Variants in PCDHGA8 observed in about 807,000 individuals in gnomAD.
PCDHGA8 encodes the protein protocadherin gamma-A8.
PCDHGA8 carries 45 observed loss-of-function variants against 59.2 expected under a neutral mutation model. That is an observed-to-expected ratio of 0.76 (90% CI 0.60 to 0.98). The LOEUF (loss-of-function observed/expected upper bound fraction) is 0.98, where lower values mean the gene tolerates loss of function less well. Among genes scored for constraint, PCDHGA8 ranks in the 50% least tolerant of loss-of-function variants. The pLI, the probability that PCDHGA8 is intolerant of heterozygous loss-of-function variation, is 0.00. For synonymous variants in PCDHGA8, 531 were observed against 519.0 expected (o/e 1.02, Z -0.32); for missense variants, 1,257 against 1,196.2 (o/e 1.05, Z -0.75).
At chr5:141,407,032 CAT>C (rs2094880022) in intron 1 of PCDHGA8, among the ~76,000 whole-genome samples, 1 of 152,174 alleles carries the variant, frequency 6.6e-6, no homozygotes, top group African/African-American at 2.4e-5. Flanking sequence ...CTATGCTAAA[CAT>C]GTGATCCATA....
intron 2 of PCDHGA8, among the ~76,000 whole-genome samples, chr5:141,497,781 C>T (rs2099779421): frequency 1.3e-5 from 2 of 152,192 alleles, no homozygotes; most frequent in African/African-American, 4.8e-5. Flanking sequence ...CTCAACTGAT[C>T]CACCTGCTTC....
At chr5:141,414,458 C>T (rs2095749873) in intron 1 of PCDHGA8, 9 of 1,613,698 alleles carry the variant, frequency 5.6e-6, no homozygotes, top group Non-Finnish European at 6.8e-6. Flanking sequence ...ACAGTGACAG[C>T]CACAGATGGG....
chr5:141,431,648 A>G lies in PCDHGA8; in HGVS notation c.2424+36411A>G. 2 of 1,614,240 alleles carry G rather than the reference A, an allele frequency of 1.2e-6. No individual in the cohort carries two copies. The highest frequency in any genetic ancestry group is 1.7e-6 in the Non-Finnish European group (2 of 1,180,046). On this transcript the variant is annotated intron_variant, in intron 1 of 3. Transcript: ENST00000398604. The surrounding 1 kb of genome is among the most constrained non-coding windows in gnomAD (Gnocchi z 4.8). ...GGCCCAAGTTTTCAAACTAGATTGT[A>G]ATTCAGGGACAATATCAACAATAGG...
At chr5:141,419,656 G>A (rs1374057056) in intron 1 of PCDHGA8, 15 of 1,612,528 alleles carry the variant, frequency 9.3e-6, no homozygotes, top group Non-Finnish European at 8.5e-6. Context: ...CGGACTCGGG[G>A]CACAATGCCT....
At chr5:141,484,931 A>ACGTT (rs1464416110) in intron 1 of PCDHGA8, 2 of 498,000 alleles carry the variant, frequency 4.0e-6, no homozygotes, top group Non-Finnish European at 7.2e-6. Flanking sequence ...TGCTGTTGGG[A>ACGTT]CGTTCTCTGC....
Position 141,415,740 on chromosome 5 carries a change from G to T in PCDHGA8, c.2424+20503G>T, listed in dbSNP as rs866795513. 9.4e-4 allele frequency: 585 copies of T among 624,884 alleles called. 4 individuals carry two copies. The highest frequency in any genetic ancestry group is 8.0e-3 in the African/African-American group (318 of 39,862). 38.7% of individuals were successfully genotyped at this position (624,884 alleles called of 1,614,324 possible). A position where few individuals can be genotyped will look rare whatever the true frequency, so the allele number is the denominator to read the frequency against. The stretch of plus-strand genomic sequence containing the variant: ...TGAGTAGAATTTGATGTTTATTAAG[G>T]TTTTTTTTTTTTTTTTTTTTTTTTT... On this transcript the variant is annotated intron_variant, in intron 1 of 3. Coordinates refer to ENST00000398604, the MANE Select transcript of PCDHGA8 (RefSeq NM_032088.2).
intron 1 of PCDHGA8, among the ~76,000 whole-genome samples, chr5:141,473,107 C>A (rs2099314182): frequency 6.6e-6 from 1 of 152,134 alleles, no homozygotes; most frequent in Admixed American, 6.5e-5. Flanking sequence ...TATTACCACA[C>A]TTTACTTGGC....
At chr5:141,450,702 G>A (rs1466981422) in intron 1 of PCDHGA8, among the ~76,000 whole-genome samples, 1 of 152,026 alleles carries the variant, frequency 6.6e-6, no homozygotes, top group Non-Finnish European at 1.5e-5. Flanking sequence ...GCCCAGGATG[G>A]TCTCCAACTC....
chr5:141,497,512 T>C (rs903352739), intron 2 of PCDHGA8, among the ~76,000 whole-genome samples: 2 of 151,896 alleles, frequency 1.3e-5, no homozygotes, highest in Admixed American at 1.3e-4. Flanking sequence ...TCTGCTTCCT[T>C]AGTTAACTTG....
chr5:141,418,670 G>T (rs767728571), intron 1 of PCDHGA8: 2 of 1,614,042 alleles, frequency 1.2e-6, no homozygotes, highest in Non-Finnish European at 1.7e-6. Context: ...TGACCAGGAC[G>T]AGGGCATCAA....
At position 141,491,462 on chromosome 5, in the gene PCDHGA8, T is replaced by C; in HGVS notation, c.2425-3345T>C. 1.2e-6 allele frequency: 2 copies of C among 1,614,004 alleles called. No individual in the cohort carries two copies. The highest frequency in any genetic ancestry group is 1.7e-6 in the Non-Finnish European group (2 of 1,179,978). ...CGCCAGGACTCACCCTCCCCGGACT[T>C]CTATAAGCAGTCCAGCCCCAACCTG... On this transcript the variant is annotated intron_variant, in intron 1 of 3. Coordinates refer to ENST00000398604, the MANE Select transcript of PCDHGA8 (RefSeq NM_032088.2). This position sits in a 1 kb window ranked among gnomAD's most constrained non-coding sequence, Gnocchi z 6.9.
intron 1 of PCDHGA8, among the ~76,000 whole-genome samples, chr5:141,481,148 C>G (rs2099532606): frequency 6.6e-6 from 1 of 152,176 alleles, no homozygotes; most frequent in Non-Finnish European, 1.5e-5. Context: ...AAGTGTTATT[C>G]TGGTATTTGC....
intron 1 of PCDHGA8, among the ~76,000 whole-genome samples, chr5:141,430,066 G>A (rs550834063): frequency 4.1e-4 from 62 of 152,102 alleles, no homozygotes; most frequent in Non-Finnish European, 8.4e-4. Flanking sequence ...TCATTTTTAG[G>A]TTTCCATAAT....
chr5:141,399,405 G>A (rs768053678), intron 1 of PCDHGA8: 1 of 1,613,974 alleles, frequency 6.2e-7, no homozygotes, highest in Admixed American at 1.7e-5. Flanking sequence ...GGGGCAAGCC[G>A]CCCCTCTCCT....
intron 3 of PCDHGA8, among the ~76,000 whole-genome samples, chr5:141,507,590 T>C (rs531629336): frequency 1.3e-5 from 2 of 152,374 alleles, no homozygotes; most frequent in African/African-American, 4.8e-5. Context: ...AGTTGGCCTC[T>C]TGAGGGAAAT....
chr5:141,428,188 G>A (rs1023078587), intron 1 of PCDHGA8: 3 of 1,433,350 alleles, frequency 2.1e-6, no homozygotes, highest in Admixed American at 1.8e-5. Flanking sequence ...GACAGCCGCC[G>A]CTCTCTGCGC....
intron 1 of PCDHGA8, chr5:141,423,756 GGGGGT>G: frequency 1.1e-5 from 5 of 448,566 alleles, no homozygotes; most frequent in African/African-American, 2.8e-5. Context: ...TGTTTGGGGG[GGGGGT>G]GGGGCGGCAT....
chr5:141,491,119 G>A lies in PCDHGA8; in HGVS notation c.2425-3688G>A. 6.2e-7 allele frequency: 1 copy of A among 1,614,216 alleles called. No individual in the cohort carries two copies. The highest frequency in any genetic ancestry group is 1.1e-5 in the South Asian group (1 of 91,086). ...GTTCCTCGTGTCTACACACACTGGT[G>A]AGGTGCGCACAGCCCGGGCCTTACT... On this transcript the variant is annotated intron_variant, in intron 1 of 3. Transcript: ENST00000398604. The surrounding 1 kb of genome is among the most constrained non-coding windows in gnomAD (Gnocchi z 6.9).
rs776773140 is a variant in PCDHGA8, at chr5:141,476,589, G to A, written c.2425-18218G>A. 5 of 1,614,246 alleles carry A rather than the reference G, an allele frequency of 3.1e-6. No individual in the cohort carries two copies. Among genetic ancestry groups the A allele is most frequent in the Non-Finnish European group, 4.2e-6 (5 of 1,180,046 alleles). On this transcript the variant is annotated intron_variant, in intron 1 of 3. Coordinates refer to ENST00000398604, the MANE Select transcript of PCDHGA8 (RefSeq NM_032088.2). This position sits in a 1 kb window ranked among gnomAD's most constrained non-coding sequence, Gnocchi z 7.6. ...CCGGGGACGCGCTTTCCGCTCGAGA[G>A]CGCGCACGATCCCGATGTGGGAAGC...
Sources: gnomAD v4.1 joint callset for allele counts (sites outside exome capture counted in the v4.1 genomes callset) on GRCh38, gnomAD v4.1.1 for gene constraint, Gnocchi (gnomAD v3.1) non-coding constraint, MANE v1.5 for transcripts, NCBI Gene and HGNC (gene_info 2026-07-23, HGNC 2026-07-21) for gene names.